The following CALN1 variants were observed in gnomAD, a reference collection of about 807,000 sequenced individuals.
The protein encoded by CALN1 is calneuron 1.
In CALN1, 17 loss-of-function variants were observed where a neutral mutation model predicts 30.6. That is an observed-to-expected ratio of 0.56 (90% CI 0.38 to 0.83). CALN1 has a LOEUF of 0.83. Ranked by LOEUF, CALN1 falls within the 40% of genes least tolerant of loss-of-function variation. The probability of loss-of-function intolerance (pLI) is 0.00; values close to 1 mark genes in which losing one functional copy is unlikely to be tolerated. For missense variants in CALN1, 291 were observed against 354.9 expected (o/e 0.82, Z 1.45); for synonymous variants, 156 against 131.4 (o/e 1.19, Z -1.28).
Position 72,403,236 on chromosome 7 carries a change from G to A in CALN1, c.119+15C>T. ...AAACAATCTAGGTCCTTGGGTTTGG[G>A]GGAAGAAGACTTGCCAGGTGGGGAA... On this transcript the variant is annotated intron_variant, in intron 2 of 6. Transcript: ENST00000395275. 3.2e-6 allele frequency: 5 copies of A among 1,543,932 alleles called. No individual in the cohort carries two copies. The highest frequency in any genetic ancestry group is 4.4e-6 in the Non-Finnish European group (5 of 1,144,214).
intron 2 of CALN1, among the ~76,000 whole-genome samples, chr7:72,334,990 C>A (rs1409231285): frequency 2.6e-5 from 4 of 152,186 alleles, no homozygotes; most frequent in African/African-American, 9.7e-5. Context: ...AAGACCCCAC[C>A]AACTGCCGGG....
At chr7:71,918,205 T>C (rs1036470829) in intron 5 of CALN1, among the ~76,000 whole-genome samples, 2 of 151,980 alleles carry the variant, frequency 1.3e-5, no homozygotes, top group African/African-American at 4.8e-5. Context: ...TACACACACA[T>C]GTGTGCTGCC....
intron 3 of CALN1, among the ~76,000 whole-genome samples, chr7:72,218,503 G>A (rs1793018672): frequency 6.6e-6 from 1 of 152,090 alleles, no homozygotes; most frequent in Non-Finnish European, 1.5e-5. Context: ...CAACAATGAA[G>A]TGCCCAGCTC....
chr7:72,114,370 G>A (rs1563070920), intron 3 of CALN1, among the ~76,000 whole-genome samples: 1 of 149,398 alleles, frequency 6.7e-6, no homozygotes, highest in Non-Finnish European at 1.5e-5. Flanking sequence ...GGGACTGCAG[G>A]CTGTCTTGGA....
At chr7:72,120,759 G>GC (rs1417671506) in intron 3 of CALN1, among the ~76,000 whole-genome samples, 9 of 152,056 alleles carry the variant, frequency 5.9e-5, no homozygotes. Flanking sequence ...AGATCCAGAG[G>GC]ATTACAAGGC....
chr7:72,335,499 G>GAA (rs1446837798), intron 2 of CALN1, among the ~76,000 whole-genome samples: 2 of 152,202 alleles, frequency 1.3e-5, no homozygotes, highest in African/African-American at 2.4e-5. Context: ...GGTCACTCTA[G>GAA]AATGTAGTTA....
chr7:72,412,007 TGGGAA>T lies in CALN1; in HGVS notation c.-74+46_-74+50del, dbSNP rs1162307020. On this transcript the variant is annotated intron_variant, in intron 1 of 6. Transcript: ENST00000395275. ...AGATGGCTCCCAAACCTGGCCCAGCTGGGAACTGCATGCAGCTGAGCCCACCATGC... is the reference window on the plus strand; with the variant it reads ...AGATGGCTCCCAAACCTGGCCCAGCTCTGCATGCAGCTGAGCCCACCATGC... The T allele has an allele frequency of 2.0e-5, 3 of 152,198 alleles. No homozygotes were observed. The East Asian group carries it at 5.8e-4, about 29-fold the overall frequency. 9.4% of individuals were successfully genotyped at this position (152,198 alleles called of 1,614,324 possible).
intron 4 of CALN1, among the ~76,000 whole-genome samples, chr7:72,031,772 C>T (rs1362890595): frequency 1.4e-5 from 2 of 139,818 alleles, no homozygotes; most frequent in African/African-American, 5.4e-5. Flanking sequence ...GACAGAAACT[C>T]GCTCTGTCAT....
At chr7:72,459,460 G>A in the CALN1 span, among the ~76,000 whole-genome samples, 2 of 151,866 alleles carry the variant, frequency 1.3e-5, no homozygotes, top group Non-Finnish European at 2.9e-5. Context: ...CTGCATATCT[G>A]CCTGCAGAGG....
At chr7:72,315,697 C>T (rs1243321679) in intron 2 of CALN1, among the ~76,000 whole-genome samples, 1 of 151,284 alleles carries the variant, frequency 6.6e-6, no homozygotes, top group Admixed American at 6.6e-5. Flanking sequence ...ACAGTGAGAC[C>T]CTGTCTCTAA....
chr7:72,409,918 T>C (rs993180318), intron 1 of CALN1, among the ~76,000 whole-genome samples: 2 of 151,996 alleles, frequency 1.3e-5, no homozygotes, highest in African/African-American at 2.4e-5. Context: ...TTATAATCAG[T>C]TTTTTCCCTG....
chr7:72,097,166 G>T (rs1421288655), intron 4 of CALN1, among the ~76,000 whole-genome samples: 1 of 152,092 alleles, frequency 6.6e-6, no homozygotes, highest in Admixed American at 6.6e-5. Context: ...TCGTGGGGTG[G>T]GGGGAGAGGG....
chr7:72,028,105 G>C (rs1312869951), intron 4 of CALN1, among the ~76,000 whole-genome samples: 5 of 138,592 alleles, frequency 3.6e-5, no homozygotes, highest in Non-Finnish European at 6.2e-5. Context: ...CCTGATCTAA[G>C]ATATGCCCAC....
intron 1 of CALN1, among the ~76,000 whole-genome samples, chr7:72,444,961 A>AACGGAAC (rs1309034420): frequency 1.3e-4 from 19 of 151,882 alleles, no homozygotes; most frequent in Admixed American, 1.2e-3. Flanking sequence ...AAGAAATGTC[A>AACGGAAC]ACGGAACACA....
At chr7:72,407,496 G>C (rs769731667) in intron 1 of CALN1, among the ~76,000 whole-genome samples, 2 of 152,108 alleles carry the variant, frequency 1.3e-5, no homozygotes, top group East Asian at 3.9e-4. Context: ...TCTGGTTGTT[G>C]CAAGTGTGTG....
chr7:72,272,468 C>T (rs568755575), intron 3 of CALN1, among the ~76,000 whole-genome samples: 4 of 151,254 alleles, frequency 2.6e-5, no homozygotes, highest in Admixed American at 6.6e-5. Context: ...AGGCTAAAGC[C>T]GGAGAATCAC....
At chr7:72,467,387 C>A in the CALN1 span, among the ~76,000 whole-genome samples, 1 of 152,204 alleles carries the variant, frequency 6.6e-6, no homozygotes, top group Admixed American at 6.5e-5. Flanking sequence ...GCTAGGCTGT[C>A]AGCTCGGGCT....
chr7:72,227,050 A>G (rs755518523), intron 3 of CALN1, among the ~76,000 whole-genome samples: 1 of 152,012 alleles, frequency 6.6e-6, no homozygotes, highest in Admixed American at 6.6e-5. Context: ...ACAAGACAGA[A>G]AAGTAAAGAT....
chr7:72,334,608 A>C (rs1162607907), intron 2 of CALN1, among the ~76,000 whole-genome samples: 3 of 152,168 alleles, frequency 2.0e-5, no homozygotes, highest in Non-Finnish European at 4.4e-5. Flanking sequence ...GCTGAATTAA[A>C]TTATTTTCGT....
Sources: gnomAD v4.1 joint callset for allele counts (sites outside exome capture counted in the v4.1 genomes callset) on GRCh38, gnomAD v4.1.1 for gene constraint, MANE v1.5 for transcripts, NCBI Gene and HGNC (gene_info 2026-07-23, HGNC 2026-07-21) for gene names.